Variants in ADCY6 observed in about 807,000 individuals in gnomAD.
ADCY6 encodes the protein adenylate cyclase type 6.
In ADCY6, 59 loss-of-function variants were observed where a neutral mutation model predicts 111.6. The ratio of observed to expected loss-of-function variants is 0.53; its 90% confidence interval spans 0.43 to 0.66. The LOEUF (loss-of-function observed/expected upper bound fraction) is 0.66, where lower values mean the gene tolerates loss of function less well. Ranked by LOEUF, ADCY6 falls within the 30% of genes least tolerant of loss-of-function variation. The pLI is 0.00. For missense variants in ADCY6, 1,242 were observed against 1,595.6 expected (o/e 0.78, Z 3.78); for synonymous variants, 576 against 642.9 (o/e 0.90, Z 1.57).
chr12:48,768,878 C>T (rs1941446102), intron 21 of ADCY6, 59 bp downstream of exon 21: 1 of 1,566,978 alleles, frequency 6.4e-7, no homozygotes, highest in East Asian at 2.3e-5. Flanking sequence ...ACTGCAGAGA[C>T]ACCTGTGGAA....
At chr12:48,788,160 G>T (rs937932496) in intron 1 of ADCY6, among the ~76,000 whole-genome samples, 1 of 152,252 alleles carries the variant, frequency 6.6e-6, no homozygotes, top group South Asian at 2.1e-4. Flanking sequence ...CCTACCCAGG[G>T]CCTGTATCTG....
Position 48,773,547 on chromosome 12 carries a change from A to T in ADCY6, c.2543T>A (p.Ile848Asn), listed in dbSNP as rs1405895007. The T allele has an allele frequency of 3.7e-6, 6 of 1,614,148 alleles. No individual in the cohort carries two copies. The highest frequency in any genetic ancestry group is 5.1e-6 in the Non-Finnish European group (6 of 1,180,000). The change falls in exon 16 of 22, where the codon ATC (isoleucine) becomes AAC (asparagine). Residue 848 changes from isoleucine to asparagine, a missense_variant. By Grantham distance (149) the Ile-to-Asn change is moderately radical. Around this residue, in one of 4 missense-constraint regions of ADCY6, gnomAD observed 375 missense variants for 432.5 expected, o/e 0.87. Transcript: ENST00000357869. Reference protein sequence around the residue: ...KLAMIFVLGLIYLVLLLLGPP... With the variant: ...KLAMIFVLGLNYLVLLLLGPP... ...ACCCAGCAGAAGCAGCACCAAATAG[A>T]TGAGCCCCAAGACAAAGATCATGGC...
At position 48,767,303 on chromosome 12, in the gene ADCY6, A is replaced by C. The variant is rs1194521673; in HGVS notation, c.*1288T>G. On this transcript the variant is annotated 3_prime_UTR_variant, in exon 22 of 22. Transcript: ENST00000357869. ...AGTCATGCTGCACACATGGCCCCCG[A>C]ACGGCACTTAGGGATTTGGCACAAA... The C allele has an allele frequency of 6.6e-6, 1 of 152,584 alleles. No individual in the cohort carries two copies. The highest frequency in any genetic ancestry group is 1.9e-4 in the East Asian group (1 of 5,154). 9.5% of individuals were successfully genotyped at this position (152,584 alleles called of 1,614,324 possible).
intron 11 of ADCY6, 123 bp downstream of exon 11, chr12:48,775,180 A>C: frequency 6.7e-7 from 1 of 1,487,208 alleles, no homozygotes; most frequent in South Asian, 1.2e-5. Context: ...TGAAATCCTC[A>C]CCCTGCTCTG....
Position 48,776,395 on chromosome 12 carries a change from C to A in ADCY6, c.1535+33G>T. The A allele has an allele frequency of 6.2e-7, 1 of 1,613,258 alleles. No homozygotes were observed. Among genetic ancestry groups the A allele is most frequent in the Non-Finnish European group, 8.5e-7 (1 of 1,179,500 alleles). On this transcript the variant is annotated intron_variant, in intron 7 of 21. Transcript: ENST00000357869. The surrounding 1 kb of genome is among the most constrained non-coding windows in gnomAD (Gnocchi z 6.1). ...TGAGACCCTGGCTCTCCCACCTTGCCCCCATCCCCCCCACCTGGACCCCCC... is the reference window on the plus strand; with the variant it reads ...TGAGACCCTGGCTCTCCCACCTTGCACCCATCCCCCCCACCTGGACCCCCC...
intron 2 of ADCY6, among the ~76,000 whole-genome samples, chr12:48,779,548 G>A (rs565464386): frequency 1.6e-4 from 24 of 152,116 alleles, no homozygotes; most frequent in African/African-American, 5.5e-4. Context: ...CCCTCAAGGT[G>A]TAACTCCCTC....
chr12:48,782,927 G>A lies in ADCY6; in HGVS notation c.508C>T (p.His170Tyr), dbSNP rs778901763. ...GGCTGAGGGCGGGCGGGTGCGGCGT[G>A]GAAAGCCAGCAGCACCGCTGTGAGC... ...VLLTAVLLAF[H>Y]AAPARPQPAY... is the part of the protein sequence containing the mutation. Residue 170 changes from histidine (H) to tyrosine (Y), a missense_variant, in exon 2 of 22, where the codon CAC becomes TAC. This residue lies in a region of ADCY6 where 362 missense variants were observed against 377.2 expected (regional missense o/e 0.96). Transcript: ENST00000357869. The surrounding 1 kb of genome is among the most constrained non-coding windows in gnomAD (Gnocchi z 4.3). 12 of 1,613,348 alleles carry A rather than the reference G, an allele frequency of 7.4e-6. No homozygotes were observed. In the South Asian group the frequency reaches 1.3e-4, roughly 18 times the overall value.
chr12:48,778,096 G>T lies in ADCY6; in HGVS notation c.1014+12C>A. On this transcript the variant is annotated intron_variant, in intron 3 of 21. Coordinates refer to ENST00000357869, the MANE Select transcript of ADCY6 (RefSeq NM_015270.5). Reference sequence around the variant, plus strand: ...GGTGGGGGCAGGCCCTGGTCACGGGGAGCAGCCCCACCTGCTGCCGATTCT... The same window carrying T: ...GGTGGGGGCAGGCCCTGGTCACGGGTAGCAGCCCCACCTGCTGCCGATTCT... 1.2e-6 allele frequency: 2 copies of T among 1,601,496 alleles called. No individual in the cohort carries two copies. Among genetic ancestry groups the T allele is most frequent in the Non-Finnish European group, 1.7e-6 (2 of 1,174,532 alleles).
rs145846390 is a variant in ADCY6, at chr12:48,782,724, C to T, written c.711G>A (p.Ala237=). 126 of 1,596,544 alleles carry T rather than the reference C, an allele frequency of 7.9e-5. No homozygotes were observed. In the African/African-American group the frequency reaches 1.5e-3, roughly 19 times the overall value. ...CAAAGAACACAGGGCACCAGAGGCC[C>T]GCAGAGGGGCTGCGCGGGTCTGCTG... is the stretch of plus-strand genomic sequence containing the variant. ...ALAADPRSPS[A]GLWCPVFFVY... The change falls in exon 2 of 22, where the codon GCG becomes GCA. Residue 237 remains alanine (A), a synonymous_variant. Transcript: ENST00000357869. The surrounding 1 kb of genome is among the most constrained non-coding windows in gnomAD (Gnocchi z 4.3).
At chr12:48,785,900 T>G (rs1237541397) in intron 1 of ADCY6, among the ~76,000 whole-genome samples, 2 of 152,114 alleles carry the variant, frequency 1.3e-5, no homozygotes, top group Non-Finnish European at 2.9e-5. Context: ...ACCAAATCAG[T>G]CCCAGATCCC....
chr12:48,769,847 C>T (rs1941483295), intron 20 of ADCY6, among the ~76,000 whole-genome samples: 2 of 150,020 alleles, frequency 1.3e-5, no homozygotes, highest in South Asian at 2.1e-4. Flanking sequence ...CTGCAAGCTC[C>T]GCCTCCCGGG....
At chr12:48,773,366 G>A in intron 16 of ADCY6, 103 bp downstream of exon 16, 2 of 1,319,500 alleles carry the variant, frequency 1.5e-6, no homozygotes, top group Non-Finnish European at 1.0e-6. Flanking sequence ...GGGGTGTTGT[G>A]GCATTCCAAG....
intron 1 of ADCY6, 182 bp from the exon 2 acceptor site, chr12:48,783,620 G>T: frequency 7.2e-7 from 1 of 1,395,918 alleles, no homozygotes; most frequent in Non-Finnish European, 9.4e-7. Context: ...CAATCAACAG[G>T]TGAGAACCCA....
chr12:48,766,409 G>A lies in ADCY6; in HGVS notation c.*2182C>T, dbSNP rs1054720078. 4 of 152,628 alleles carry A rather than the reference G, an allele frequency of 2.6e-5. No individual in the cohort carries two copies. Among genetic ancestry groups the A allele is most frequent in the African/African-American group, 9.7e-5 (4 of 41,374 alleles). 9.5% of individuals were successfully genotyped at this position (152,628 alleles called of 1,614,324 possible). On this transcript the variant is annotated 3_prime_UTR_variant, in exon 22 of 22. Coordinates refer to ENST00000357869, the MANE Select transcript of ADCY6 (RefSeq NM_015270.5). Reference sequence around the variant, plus strand: ...TGGCACTGTGGTACGGGGATCCAGGGTGTGGACAGGCCCTCCCACCTGGCA... The same window carrying A: ...TGGCACTGTGGTACGGGGATCCAGGATGTGGACAGGCCCTCCCACCTGGCA...
rs758994257 is a variant in ADCY6 at position 48,775,394 on chromosome 12, C to T, written c.1889G>A (p.Arg630His). The T allele has an allele frequency of 3.1e-6, 5 of 1,614,160 alleles. No homozygotes were observed. Among genetic ancestry groups the T allele is most frequent in the Non-Finnish European group, 4.2e-6 (5 of 1,180,026 alleles). The change falls in exon 11 of 22, where the codon CGT becomes CAT. Residue 630 changes from arginine to histidine, a missense_variant. This residue lies in a region of ADCY6 where 375 missense variants were observed against 432.5 expected (regional missense o/e 0.87). Transcript: ENST00000357869. ...ATCAATGCTGCGGGCATCGATGGCA[C>T]GGCTCAGGAACTCATCCACCTCATC... ...PEDEVDEFLS[R>H]AIDARSIDQL...
chr12:48,771,998 A>G lies in ADCY6; in HGVS notation c.2788-25T>C. On this transcript the variant is annotated intron_variant, in intron 18 of 21. Transcript: ENST00000357869. This position sits in a 1 kb window ranked among gnomAD's most constrained non-coding sequence, Gnocchi z 4.3. ...CCTGTGGACACCACACCCATCACCCATTGCCCGACATTCACAAGGGGTAGG... is the reference window on the plus strand; with the variant it reads ...CCTGTGGACACCACACCCATCACCCGTTGCCCGACATTCACAAGGGGTAGG... 6.3e-7 allele frequency: 1 copy of G among 1,586,650 alleles called. No homozygotes were observed. The highest frequency in any genetic ancestry group is 8.6e-7 in the Non-Finnish European group (1 of 1,165,472).
Position 48,775,995 on chromosome 12 carries a change from G to T in ADCY6, c.1774C>A (p.Arg592=), listed in dbSNP as rs373440769. 1.2e-5 allele frequency: 19 copies of T among 1,610,232 alleles called. No individual in the cohort carries two copies. Among genetic ancestry groups the T allele is most frequent in the Non-Finnish European group, 1.5e-5 (18 of 1,178,240 alleles). ...PRWVPDRAFS[R]TKDSKAFRQM... ...CGGAAGGCCTTGGAGTCCTTGGTCC[G>T]GGAGAAGGCACGATCAGGAACCCAG... is the stretch of plus-strand genomic sequence containing the variant. The change falls in exon 9 of 22, where the codon CGG becomes AGG. Residue 592 remains arginine (R), a synonymous_variant. Transcript: ENST00000357869.
At position 48,783,392 on chromosome 12, in the gene ADCY6, G is replaced by A. The variant is rs756690261; in HGVS notation, c.43C>T (p.Arg15Trp). The A allele has an allele frequency of 8.7e-6, 14 of 1,614,090 alleles. No individual in the cohort carries two copies. The highest frequency in any genetic ancestry group is 2.7e-5 in the African/African-American group (2 of 74,928). ...SGLLVPKVDERKTAWGERNGQ... is the reference protein window; with the variant it reads ...SGLLVPKVDEWKTAWGERNGQ... ...TTGCGTTCACCCCAGGCTGTTTTCC[G>A]TTCATCCACTTTAGGGACCAGGAGG... The change falls in exon 2 of 22, where the codon CGG (arginine) becomes TGG (tryptophan). Residue 15 changes from arginine (R) to tryptophan (W), a missense_variant. Arg to Trp is a moderately radical substitution (Grantham distance 101). Coordinates refer to ENST00000357869, the MANE Select transcript of ADCY6 (RefSeq NM_015270.5).
At chr12:48,769,275 T>C (rs1424320206) in intron 20 of ADCY6, among the ~76,000 whole-genome samples, 1 of 151,474 alleles carries the variant, frequency 6.6e-6, no homozygotes, top group Non-Finnish European at 1.5e-5. Flanking sequence ...AGCTGGACAA[T>C]GGTGGTACAT....
Sources: allele counts gnomAD v4.1 joint callset (sites outside exome capture counted in the v4.1 genomes callset), GRCh38; gene constraint gnomAD v4.1.1; regional missense constraint gnomAD v4.1.1; non-coding constraint Gnocchi (gnomAD v3.1); transcripts MANE v1.5; gene names NCBI Gene and HGNC (gene_info 2026-07-23, HGNC 2026-07-21).